Variants in ZPBP observed in about 807,000 individuals in gnomAD.
ZPBP encodes zona pellucida binding protein, also known as zona pellucida-binding protein 1.
ZPBP carries 26 observed loss-of-function variants against 44.8 expected under a neutral mutation model. The observed-to-expected ratio is 0.58, with a 90% confidence interval of 0.43 to 0.81. ZPBP has a LOEUF of 0.81. ZPBP is among the 30% of genes least tolerant of loss of function. The pLI, the probability that ZPBP is intolerant of heterozygous loss-of-function variation, is 0.00. For synonymous variants in ZPBP, 174 were observed against 153.2 expected, an observed-to-expected ratio of 1.14 and a Z score of -1.00; for missense variants, 409 against 434.0, an observed-to-expected ratio of 0.94 and a Z score of 0.51.
intron 2 of ZPBP, among the ~76,000 whole-genome samples, chr7:49,867,575 C>A (rs1790955037): frequency 6.6e-6 from 1 of 152,174 alleles, no homozygotes; most frequent in Admixed American, 6.5e-5. Context: ...AAAGGCTACA[C>A]AGAGGACACA....
intron 4 of ZPBP, among the ~76,000 whole-genome samples, chr7:50,053,918 C>T (rs1562592012): frequency 6.6e-6 from 1 of 152,112 alleles, no homozygotes; most frequent in African/African-American, 2.4e-5. Context: ...AAGGCAGAGT[C>T]TCACTCTGTC....
At chr7:49,965,159 T>A (rs1252956894) in intron 7 of ZPBP, among the ~76,000 whole-genome samples, 3 of 152,028 alleles carry the variant, frequency 2.0e-5, no homozygotes, top group Admixed American at 1.3e-4. Flanking sequence ...CCAAACAACT[T>A]ACCAATGTGT....
At chr7:50,046,793 G>T (rs889992779) in intron 4 of ZPBP, among the ~76,000 whole-genome samples, 9 of 152,096 alleles carry the variant, frequency 5.9e-5, no homozygotes, top group African/African-American at 2.2e-4. Flanking sequence ...TCCCATTACT[G>T]GGTATATGCC....
At chr7:50,009,659 AT>A (rs1186625818) in intron 6 of ZPBP, among the ~76,000 whole-genome samples, 1 of 152,050 alleles carries the variant, frequency 6.6e-6, no homozygotes, top group Non-Finnish European at 1.5e-5. Flanking sequence ...CTTACTCCCT[AT>A]TTATAAAACA....
At chr7:49,877,763 AT>A (rs964419617) in intron 2 of ZPBP, among the ~76,000 whole-genome samples, 1 of 150,734 alleles carries the variant, frequency 6.6e-6, no homozygotes, top group Non-Finnish European at 1.5e-5. Flanking sequence ...AGCTGCTTTT[AT>A]CTAAGCCATA....
At position 50,093,125 on chromosome 7, in the gene ZPBP, A is replaced by G. The variant is rs1418307341; in HGVS notation, c.70T>C (p.Ser24Pro). 3 of 1,572,348 alleles carry G rather than the reference A, an allele frequency of 1.9e-6. No individual in the cohort carries two copies. The African/African-American group carries it at 4.1e-5, about 21-fold the overall frequency. Residue 24 changes from serine to proline, a missense_variant, in exon 1 of 8, where the codon TCT becomes CCT. Physicochemically the swap from Ser to Pro is moderately conservative, Grantham distance 74. Around this residue, in one of 2 missense-constraint regions of ZPBP, gnomAD observed 367 missense variants for 363.1 expected, o/e 1.01. Transcript: ENST00000046087. ...ATAAAGAGGAGGATGGCGGCCCGAG[A>G]GAGCAGGGAGCCGGCGGCCCGGGTC... ...RRTRAAGSLL[S>P]RAAILLFISA...
At chr7:50,063,676 T>C (rs995854438) in intron 3 of ZPBP, among the ~76,000 whole-genome samples, 4 of 152,316 alleles carry the variant, frequency 2.6e-5, no homozygotes, top group East Asian at 1.9e-4. Context: ...TTTCACATTC[T>C]AGCTGTGATT....
At chr7:49,918,499 T>C (rs1345533588) in intron 1 of ZPBP, 1 of 152,230 alleles carries the variant, frequency 6.6e-6, no homozygotes, top group Non-Finnish European at 1.5e-5. Context: ...ATGCTTATGC[T>C]ATATTTTGTT....
chr7:49,925,485 G>A (rs1238329409), intron 1 of ZPBP, among the ~76,000 whole-genome samples: 2 of 152,178 alleles, frequency 1.3e-5, no homozygotes, highest in Non-Finnish European at 2.9e-5. Context: ...TCACTCCATC[G>A]CTCTATCCTG....
At chr7:50,018,492 A>G (rs919060467) in intron 5 of ZPBP, among the ~76,000 whole-genome samples, 176 bp from the exon 6 acceptor site, 1 of 152,024 alleles carries the variant, frequency 6.6e-6, no homozygotes, top group African/African-American at 2.4e-5. Flanking sequence ...TTTGCTTTCT[A>G]TAAATCAAGA....
At chr7:50,047,075 C>T (rs1584114238) in intron 4 of ZPBP, among the ~76,000 whole-genome samples, 1 of 152,026 alleles carries the variant, frequency 6.6e-6, no homozygotes, top group Non-Finnish European at 1.5e-5. Flanking sequence ...TGTTCTCACT[C>T]ATAAAGGGGA....
chr7:49,858,428 G>A (rs146067815), intron 2 of ZPBP, among the ~76,000 whole-genome samples: 2 of 151,770 alleles, frequency 1.3e-5, no homozygotes, highest in African/African-American at 4.8e-5. Context: ...AGCTGAAAAC[G>A]ATCATTCTCA....
At chr7:49,873,740 T>G (rs1210663517) in intron 2 of ZPBP, among the ~76,000 whole-genome samples, 1 of 152,202 alleles carries the variant, frequency 6.6e-6, no homozygotes, top group Non-Finnish European at 1.5e-5. Context: ...CATGTATATT[T>G]GTTAAATCAT....
At chr7:50,065,335 C>T (rs1361895758) in intron 3 of ZPBP, among the ~76,000 whole-genome samples, 1 of 150,742 alleles carries the variant, frequency 6.6e-6, no homozygotes, top group African/African-American at 2.5e-5. Context: ...CATTTGGAGC[C>T]TCTAGTTGAT....
In ZPBP at chr7:49,982,267, T is replaced by A. The variant is rs866843466; in HGVS notation, c.961+1075A>T. Among the ~76,000 whole-genome samples, 105 of 105,500 alleles carry A rather than the reference T, an allele frequency of 1.0e-3. 1 individual carries two copies. In the South Asian group the frequency reaches 0.014, roughly 14 times the overall value. The allele number at this position is 105,500 out of a possible 152,430, so 69.2% of individuals were successfully genotyped here. On this transcript the variant is annotated intron_variant, in intron 7 of 7. Transcript: ENST00000046087. ...TATATTATATATTTATATTATATATTATATATAATTTATAATTATACATAA... is the reference window on the plus strand; with the variant it reads ...TATATTATATATTTATATTATATATAATATATAATTTATAATTATACATAA...
Position 49,997,819 on chromosome 7 carries a change from G to C in ZPBP, c.784-14300C>G, listed in dbSNP as rs1797917040. 2.0e-5 allele frequency among the ~76,000 whole-genome samples: 3 copies of C among 152,094 alleles called. No individual in the cohort carries two copies. The South Asian group carries it at 6.2e-4, about 32-fold the overall frequency. ...AAAGAAGACTCATCAGAATTTAGGG[G>C]CTCAATATTTTCAATTTCATCAGTG... On this transcript the variant is annotated intron_variant, in intron 6 of 7. Transcript: ENST00000046087.
chr7:49,994,288 T>C (rs1263881513), intron 6 of ZPBP, among the ~76,000 whole-genome samples: 1 of 152,136 alleles, frequency 6.6e-6, no homozygotes, highest in African/African-American at 2.4e-5. Flanking sequence ...TTGAGAACCA[T>C]CTGTAAACCA....
intron 2 of ZPBP, among the ~76,000 whole-genome samples, chr7:49,884,908 C>A (rs1465451809): frequency 6.6e-6 from 1 of 151,844 alleles, no homozygotes; most frequent in Non-Finnish European, 1.5e-5. Flanking sequence ...AATTCAGAAA[C>A]CTAAAAACTA....
chr7:49,944,831 T>C (rs1795033055), intron 7 of ZPBP, among the ~76,000 whole-genome samples: 1 of 59,636 alleles, frequency 1.7e-5, no homozygotes, highest in South Asian at 5.2e-4. Context: ...ATTTCATTGA[T>C]TTTTGTATTT....
Sources: allele counts gnomAD v4.1 joint callset (sites outside exome capture counted in the v4.1 genomes callset), GRCh38; gene constraint gnomAD v4.1.1; regional missense constraint gnomAD v4.1.1; transcripts MANE v1.5; gene names NCBI Gene and HGNC (gene_info 2026-07-23, HGNC 2026-07-21).